CUL4B: variants seen among roughly 807,000 people sequenced by gnomAD.
CUL4B encodes the protein cullin 4B, also known as cullin-4B.
A neutral mutation model predicts 69.2 loss-of-function variants in CUL4B; 1 was observed. That is an observed-to-expected ratio of 0.01 (90% confidence interval 0.01 to 0.07). The LOEUF is 0.07. Among genes scored for constraint, CUL4B ranks in the 10% least tolerant of loss-of-function variants. The probability of loss-of-function intolerance (pLI) is 1.00; values close to 1 mark genes in which losing one functional copy is unlikely to be tolerated. For missense variants in CUL4B, 328 were observed against 638.8 expected (o/e 0.51, Z 5.24); for synonymous variants, 237 against 223.2 (o/e 1.06, Z -0.55).
chrX:120,543,532 A>ACC (rs1300900667), intron 8 of CUL4B, among the ~76,000 whole-genome samples, 195 bp downstream of exon 8: 4 of 93,687 alleles, frequency 4.3e-5, no homozygotes, highest in Non-Finnish European at 8.3e-5. Flanking sequence ...ACACACACAC[A>ACC]CCCCTAATAA....
chrX:120,546,429 G>T, intron 4 of CUL4B, 118 bp downstream of exon 4: 1 of 472,386 alleles, frequency 2.1e-6, no homozygotes, highest in Non-Finnish European at 3.6e-6. Flanking sequence ...AAAAGGAATA[G>T]ATATTGAAGC....
Position 120,538,715 on chromosome X carries a change from G to A in CUL4B, c.1797C>T (p.Val599=), listed in dbSNP as rs751833365. 1.7e-4 allele frequency: 201 copies of A among 1,206,861 alleles called. No individual in the cohort carries two copies. In the South Asian group the frequency reaches 2.9e-3, roughly 18 times the overall value. The change falls in exon 13 of 20, where the codon GTC becomes GTT. Residue 599 remains valine, a synonymous_variant. Transcript: ENST00000371322. The stretch of plus-strand genomic sequence containing the variant: ...CAGCATCTACAGATGCACTCTTTCC[G>A]ACTAACAGGCGCTTGGCTAAATCTT... ...YKKDLAKRLL[V]GKSASVDAEK...
intron 8 of CUL4B, among the ~76,000 whole-genome samples, chrX:120,543,495 AACACACACACAC>A (rs60058698): frequency 7.1e-5 from 7 of 98,155 alleles, no homozygotes; most frequent in African/African-American, 1.5e-4. Flanking sequence ...TTACCTTCTA[AACACACACACAC>A]ACACACACAC....
At chrX:120,550,117 C>T (rs1049724307) in intron 2 of CUL4B, among the ~76,000 whole-genome samples, 4 of 111,857 alleles carry the variant, frequency 3.6e-5, no homozygotes, top group African/African-American at 1.3e-4. Context: ...ACCAGTGACT[C>T]ACATGGCACT....
intron 18 of CUL4B, among the ~76,000 whole-genome samples, chrX:120,531,812 C>T (rs1464605602): frequency 9.0e-6 from 1 of 111,222 alleles, no homozygotes; most frequent in Non-Finnish European, 1.9e-5. Flanking sequence ...AGATTTTTCA[C>T]CAAGCAAGTT....
In CUL4B at chrX:120,560,186, C is replaced by A. The variant is rs1367325588; in HGVS notation, c.453G>T (p.Ser151=). 1.7e-6 allele frequency: 2 copies of A among 1,209,920 alleles called. No homozygotes were observed. Among genetic ancestry groups the A allele is most frequent in the Non-Finnish European group, 2.2e-6 (2 of 895,184 alleles). The stretch of plus-strand genomic sequence containing the variant: ...TGGCTAGGCCGTTTGCATGATGCAC[C>A]GAAGCCACAGAAGAGATTAATATAC... ...NKSILISSVA[S]VHHANGLAKS... The change falls in exon 1 of 20, where the codon TCG becomes TCT. Residue 151 remains serine, a synonymous_variant. Transcript: ENST00000371322.
intron 18 of CUL4B, among the ~76,000 whole-genome samples, chrX:120,530,811 T>C (rs1923265407): frequency 8.9e-6 from 1 of 112,319 alleles, no homozygotes; most frequent in South Asian, 3.6e-4. Flanking sequence ...TGTAGGTATT[T>C]AGGAGGCGGT....
At chrX:120,562,413 C>T (rs146481846), upstream of CUL4B, among the ~76,000 whole-genome samples, 2,030 of 112,195 alleles carry the variant, frequency 0.018, 61 homozygotes, top group African/African-American at 0.063. Flanking sequence ...ATATCAAAAA[C>T]TAAATTTGCC....
Position 120,545,435 on chromosome X carries a change from C to A in CUL4B, c.920+9G>T. ...GAACAATCTTTTCATATTTTTCTGGCATCCTTACCAAATGGAGGGTAGCAT... is the reference window on the plus strand; with the variant it reads ...GAACAATCTTTTCATATTTTTCTGGAATCCTTACCAAATGGAGGGTAGCAT... On this transcript the variant is annotated intron_variant, in intron 5 of 19. Coordinates refer to ENST00000371322, the MANE Select transcript of CUL4B (RefSeq NM_001079872.2). 8.8e-7 allele frequency: 1 copy of A among 1,132,692 alleles called. No homozygotes were observed. The highest frequency in any genetic ancestry group is 3.0e-5 in the East Asian group (1 of 32,950). 93.3% of individuals were successfully genotyped at this position (1,132,692 alleles called of 1,213,427 possible).
At chrX:120,529,459 C>T (rs1481432460) in intron 19 of CUL4B, among the ~76,000 whole-genome samples, 1 of 111,554 alleles carries the variant, frequency 9.0e-6, no homozygotes, top group African/African-American at 3.3e-5. Context: ...TAATAGCTAG[C>T]AGTCTATTCA....
chrX:120,548,233 C>T (rs1398045905), intron 2 of CUL4B, among the ~76,000 whole-genome samples: 1 of 110,342 alleles, frequency 9.1e-6, no homozygotes, highest in Non-Finnish European at 1.9e-5. Context: ...ATGACTACGC[C>T]ACTGCACTCT....
At chrX:120,561,306 C>A, upstream of CUL4B, 1 of 548,780 alleles carries the variant, frequency 1.8e-6, no homozygotes, top group East Asian at 3.4e-5. Flanking sequence ...CCTTCCCTGG[C>A]CCACCGGGAA....
chrX:120,547,861 C>T (rs1459810004), intron 2 of CUL4B, among the ~76,000 whole-genome samples: 1 of 110,669 alleles, frequency 9.0e-6, no homozygotes, highest in Non-Finnish European at 1.9e-5. Flanking sequence ...CCTAGCCTCC[C>T]AGCCTACATC....
At chrX:120,527,490 C>T (rs1923049653) in intron 19 of CUL4B, among the ~76,000 whole-genome samples, 2 of 110,112 alleles carry the variant, frequency 1.8e-5, no homozygotes, top group South Asian at 7.8e-4. Context: ...GAGTAATCCC[C>T]CCAGCCTCAG....
downstream of CUL4B, among the ~76,000 whole-genome samples, chrX:120,569,652 G>A (rs1007226756): frequency 8.9e-6 from 1 of 111,968 alleles, no homozygotes; most frequent in Non-Finnish European, 1.9e-5. Context: ...GAGCCACCGC[G>A]CCCGGCTGGG....
chrX:120,538,474 T>C (rs966842604), intron 13 of CUL4B, 186 bp downstream of exon 13: 1 of 428,930 alleles, frequency 2.3e-6, no homozygotes, highest in Non-Finnish European at 4.0e-6. Context: ...CAATGCTTTA[T>C]CTTAAAAAAA....
At chrX:120,572,578 C>T (rs1365512475) in intron 2 of CUL4B, among the ~76,000 whole-genome samples, 1 of 110,849 alleles carries the variant, frequency 9.0e-6, no homozygotes, top group African/African-American at 3.3e-5. Context: ...AAAACCAGCC[C>T]CCAAAGGTAA....
chrX:120,534,341 T>A, intron 17 of CUL4B, 140 bp downstream of exon 17: 1 of 496,556 alleles, frequency 2.0e-6, no homozygotes, highest in Non-Finnish European at 3.6e-6. Flanking sequence ...GGTGACAGAG[T>A]GAGACCCTGT....
chrX:120,534,705 CCAGCAAAGCCACTTGACGTGGTAATA>C (rs1923544450), intron 16 of CUL4B, 119 bp from the exon 17 acceptor site: 4 of 526,149 alleles, frequency 7.6e-6, no homozygotes, highest in Non-Finnish European at 1.3e-5. Context: ...TTAGCATTAT[CCAGCAAAGCCACTTGACGTGGTAATA>C]CAGTATTTCA....
Sources: gnomAD v4.1 joint callset for allele counts (sites outside exome capture counted in the v4.1 genomes callset) on GRCh38, gnomAD v4.1.1 for gene constraint, MANE v1.5 for transcripts, NCBI Gene and HGNC (gene_info 2026-07-23, HGNC 2026-07-21) for gene names.